ZNF618: variants seen among roughly 807,000 people sequenced by gnomAD.
ZNF618 encodes the protein neural precursor cell expressed, developmentally down-regulated 10.
ZNF618 carries 34 observed loss-of-function variants against 103.0 expected under a neutral mutation model. That is an observed-to-expected ratio of 0.33 (90% confidence interval 0.25 to 0.44). ZNF618 has a LOEUF of 0.44. Among genes scored for constraint, ZNF618 ranks in the 20% least tolerant of loss-of-function variants. The pLI is 1.00. For synonymous variants in ZNF618, 551 were observed against 542.2 expected (o/e 1.02, Z -0.23); for missense variants, 1,059 against 1,295.4 (o/e 0.82, Z 2.80).
intron 1 of ZNF618, among the ~76,000 whole-genome samples, chr9:113,909,758 C>G (rs1831336544): frequency 6.6e-6 from 1 of 151,968 alleles, no homozygotes; most frequent in Admixed American, 6.6e-5. Context: ...TATCCCGCTC[C>G]CCGATACTCA....
intron 1 of ZNF618, among the ~76,000 whole-genome samples, chr9:113,936,723 T>C (rs1834057081): frequency 1.3e-5 from 2 of 152,222 alleles, no homozygotes; most frequent in Admixed American, 1.3e-4. Context: ...GGTATTATTT[T>C]CTTGGTCATT....
intron 10 of ZNF618, 122 bp downstream of exon 10, chr9:114,016,906 G>A: frequency 1.3e-6 from 1 of 740,792 alleles, no homozygotes. Flanking sequence ...TCAGTTCTGG[G>A]TCAGTCTTTA....
In ZNF618 at chr9:113,988,174, TG is replaced by T; in HGVS notation, c.78-142del. 13 of 1,028,022 alleles carry T rather than the reference TG, an allele frequency of 1.3e-5. No individual in the cohort carries two copies. The South Asian group carries it at 2.2e-4, about 17-fold the overall frequency. The allele number at this position is 1,028,022 out of a possible 1,614,324, so 63.7% of individuals were successfully genotyped here. ...CCTGGAAGAGCCTCAGGGGTAGCCG[TG>T]GGGGTTGTGTGGGAGGCTAAGGGGG... On this transcript the variant is annotated intron_variant, in intron 2 of 14. Transcript: ENST00000374126.
chr9:113,980,298 G>A (rs1021898528), intron 2 of ZNF618, among the ~76,000 whole-genome samples: 1 of 152,060 alleles, frequency 6.6e-6, no homozygotes, highest in Non-Finnish European at 1.5e-5. Context: ...GCAGGGTTTT[G>A]GACTTGTTAA....
intron 1 of ZNF618, among the ~76,000 whole-genome samples, chr9:113,934,605 C>CA (rs1833880405): frequency 6.6e-6 from 1 of 152,142 alleles, no homozygotes; most frequent in Non-Finnish European, 1.5e-5. Flanking sequence ...ATGTGTTCCC[C>CA]AAAATGGGAT....
rs916215780 is a variant in ZNF618, at chr9:114,054,097, T to G, written c.*3930T>G. On this transcript the variant is annotated 3_prime_UTR_variant, in exon 15 of 15. Transcript: ENST00000374126. Reference sequence around the variant, plus strand: ...TTTGACCCTTTATCTCCTGCACTTTTAAAGAAACACCAGAGAAAAAATCTA... The same window carrying G: ...TTTGACCCTTTATCTCCTGCACTTTGAAAGAAACACCAGAGAAAAAATCTA... The G allele has an allele frequency of 6.6e-6, 1 of 152,578 alleles. No individual in the cohort carries two copies. Among genetic ancestry groups the G allele is most frequent in the Non-Finnish European group, 1.5e-5 (1 of 68,026 alleles). 9.5% of individuals were successfully genotyped at this position (152,578 alleles called of 1,614,324 possible).
At chr9:114,030,431 C>T (rs1391288177) in intron 11 of ZNF618, among the ~76,000 whole-genome samples, 1 of 152,212 alleles carries the variant, frequency 6.6e-6, no homozygotes, top group South Asian at 2.1e-4. Context: ...ATCTTGCTTT[C>T]TCTCTTGCAC....
At chr9:113,926,152 G>GTT (rs1279501488) in intron 1 of ZNF618, among the ~76,000 whole-genome samples, 1 of 140,518 alleles carries the variant, frequency 7.1e-6, no homozygotes, top group Admixed American at 7.0e-5. Flanking sequence ...GGTTGGTGTT[G>GTT]TTTTTTTTTT....
intron 1 of ZNF618, among the ~76,000 whole-genome samples, chr9:113,916,755 A>G (rs950453038): frequency 2.6e-5 from 4 of 152,200 alleles, no homozygotes; most frequent in African/African-American, 4.8e-5. Context: ...CCTTCACCCA[A>G]CATGGTCCCT....
intron 1 of ZNF618, among the ~76,000 whole-genome samples, chr9:113,960,713 C>T (rs1187444734): frequency 6.6e-6 from 1 of 152,224 alleles, no homozygotes; most frequent in Non-Finnish European, 1.5e-5. Context: ...GGGCCTCCTG[C>T]GGAGAAGATG....
At chr9:114,008,798 G>A (rs1029299842) in intron 9 of ZNF618, among the ~76,000 whole-genome samples, 1 of 152,202 alleles carries the variant, frequency 6.6e-6, no homozygotes, top group Admixed American at 6.5e-5. Flanking sequence ...TGGCGCTACT[G>A]CTTACAGGCT....
intron 1 of ZNF618, among the ~76,000 whole-genome samples, chr9:113,933,895 G>C (rs538561072): frequency 6.6e-6 from 1 of 152,060 alleles, no homozygotes; most frequent in Non-Finnish European, 1.5e-5. Flanking sequence ...CAGCTCCTGT[G>C]GGGGCCAGGA....
intron 1 of ZNF618, 21 bp downstream of exon 1, chr9:113,876,434 C>G: frequency 8.3e-7 from 1 of 1,200,856 alleles, no homozygotes; most frequent in South Asian, 4.2e-5. Context: ...GGGCCGGGGG[C>G]ATGCACCGCG....
At position 114,049,074 on chromosome 9, in the gene ZNF618, G is replaced by C. The variant is rs776520842; in HGVS notation, c.1772G>C (p.Ser591Thr). The change falls in exon 15 of 15, where the codon AGC becomes ACC. Residue 591 changes from serine to threonine, a missense_variant. Ser to Thr is a moderately conservative substitution (Grantham distance 58). Transcript: ENST00000374126. ...GTGAAGGGTGCGGACATTCGCGACA[G>C]CGGTGACCTTGTGCACCACTGGGTG... ...LGVKGADIRDSGDLVHHWVQN... is the reference protein window; with the variant it reads ...LGVKGADIRDTGDLVHHWVQN... The C allele has an allele frequency of 1.2e-6, 2 of 1,613,904 alleles. No homozygotes were observed. The highest frequency in any genetic ancestry group is 1.7e-6 in the Non-Finnish European group (2 of 1,179,908).
intron 13 of ZNF618, among the ~76,000 whole-genome samples, chr9:114,039,711 C>T (rs1210783656): frequency 1.3e-5 from 2 of 152,166 alleles, no homozygotes; most frequent in Non-Finnish European, 2.9e-5. Context: ...GTTTTTCTGT[C>T]TGTGAAGTGG....
At chr9:114,016,673 C>T in intron 9 of ZNF618, 22 bp from the exon 10 acceptor site, 3 of 1,607,338 alleles carry the variant, frequency 1.9e-6, no homozygotes, top group Non-Finnish European at 2.6e-6. Flanking sequence ...CATTCTTACA[C>T]CTTCGTTTCC....
intron 11 of ZNF618, among the ~76,000 whole-genome samples, chr9:114,031,491 A>G (rs987523590): frequency 2.0e-5 from 3 of 152,220 alleles, no homozygotes; most frequent in African/African-American, 7.2e-5. Context: ...CATTGTCCCC[A>G]TGACCATCCG....
chr9:114,036,288 T>G lies in ZNF618; in HGVS notation c.1169-12T>G. On this transcript the variant is annotated splice_polypyrimidine_tract_variant and intron_variant, in intron 12 of 14. Transcript: ENST00000374126. ...TCCACCCCTCACGTGGCTGCCGCAT[T>G]TCTCCCTCCAGAACCCTACACCTGC... The G allele has an allele frequency of 1.3e-6, 2 of 1,563,514 alleles. No individual in the cohort carries two copies. The highest frequency in any genetic ancestry group is 1.7e-6 in the Non-Finnish European group (2 of 1,153,402).
At chr9:113,940,872 C>G (rs113583908) in intron 1 of ZNF618, among the ~76,000 whole-genome samples, 2,171 of 152,172 alleles carry the variant, frequency 0.014, 65 homozygotes, top group African/African-American at 0.05. Flanking sequence ...TTGTGATATT[C>G]TGCCTTTTAA....
Sources: allele counts gnomAD v4.1 joint callset (sites outside exome capture counted in the v4.1 genomes callset), GRCh38; gene constraint gnomAD v4.1.1; transcripts MANE v1.5; gene names NCBI Gene and HGNC (gene_info 2026-07-23, HGNC 2026-07-21).